Variants in MARCHF1 observed in about 807,000 individuals in gnomAD.
MARCHF1 encodes the protein membrane associated ring-CH-type finger 1.
Under a neutral mutation model 54.2 loss-of-function variants are expected in MARCHF1, and 40 were observed. The ratio of observed to expected loss-of-function variants is 0.74; its 90% CI spans 0.57 to 0.96. The LOEUF (loss-of-function observed/expected upper bound fraction) is 0.96. MARCHF1 is among the 40% of genes least tolerant of loss of function. MARCHF1 has a pLI of 0.00. For synonymous variants in MARCHF1, 236 were observed against 236.3 expected (o/e 1.00, Z 0.01); for missense variants, 586 against 656.5 (o/e 0.89, Z 1.17).
intron 4 of MARCHF1, among the ~76,000 whole-genome samples, chr4:163,719,513 C>A (rs773510407): frequency 5.9e-5 from 9 of 152,062 alleles, no homozygotes; most frequent in Non-Finnish European, 1.2e-4. Flanking sequence ...GTCTTTATAG[C>A]AGCATGTTTT....
chr4:164,062,820 G>A (rs564123133), intron 2 of MARCHF1, among the ~76,000 whole-genome samples: 2 of 152,256 alleles, frequency 1.3e-5, no homozygotes, highest in African/African-American at 2.4e-5. Flanking sequence ...CACCACGCCA[G>A]GCCAATTTAT....
At chr4:164,022,590 T>C (rs1045221241) in intron 2 of MARCHF1, among the ~76,000 whole-genome samples, 1 of 152,154 alleles carries the variant, frequency 6.6e-6, no homozygotes, top group Non-Finnish European at 1.5e-5. Context: ...ACCACAGACA[T>C]TTGAACTGGC....
At chr4:163,666,453 T>C (rs2111115186) in intron 5 of MARCHF1, among the ~76,000 whole-genome samples, 1 of 152,246 alleles carries the variant, frequency 6.6e-6, no homozygotes, top group East Asian at 1.9e-4. Context: ...TGTTTAAATG[T>C]TGCAGCAATA....
At chr4:163,979,219 G>A (rs1282910924) in intron 3 of MARCHF1, among the ~76,000 whole-genome samples, 2 of 69,980 alleles carry the variant, frequency 2.9e-5, no homozygotes, top group Non-Finnish European at 5.0e-5. Context: ...CCCTTCCTGT[G>A]TCCATGTGAT....
chr4:164,250,877 A>G (rs981569571), intron 1 of MARCHF1, among the ~76,000 whole-genome samples: 1 of 152,108 alleles, frequency 6.6e-6, no homozygotes, highest in Non-Finnish European at 1.5e-5. Flanking sequence ...ATATCTGAAT[A>G]TATGCTCTTG....
chr4:164,094,845 G>A (rs958781100), intron 2 of MARCHF1, among the ~76,000 whole-genome samples: 2 of 152,058 alleles, frequency 1.3e-5, no homozygotes, highest in Non-Finnish European at 2.9e-5. Context: ...TCATCTGACT[G>A]CTAAAAGTAA....
intron 7 of MARCHF1, among the ~76,000 whole-genome samples, chr4:163,588,830 C>A (rs984642951): frequency 2.6e-5 from 4 of 151,962 alleles, no homozygotes; most frequent in African/African-American, 9.7e-5. Context: ...TACAATCTGA[C>A]CCTTTCAGAA....
chr4:163,931,550 A>G (rs1479432780), intron 3 of MARCHF1, among the ~76,000 whole-genome samples: 1 of 152,190 alleles, frequency 6.6e-6, no homozygotes, highest in Non-Finnish European at 1.5e-5. Flanking sequence ...GCCTCATCAA[A>G]CACTGAATAT....
Position 164,019,825 on chromosome 4 carries a change from G to A in MARCHF1, c.-247-31116C>T, listed in dbSNP as rs140545936. 2.0e-3 allele frequency among the ~76,000 whole-genome samples: 309 copies of A among 152,314 alleles called. 1 individual carries two copies. The highest frequency in any genetic ancestry group is 5.1e-3 in the Admixed American group (78 of 15,308). On this transcript the variant is annotated intron_variant, in intron 2 of 9. Transcript: ENST00000514618. Reference sequence around the variant, plus strand: ...ATTTGGGATAGTATAGGGCAGACATGGCTGAAGACAAAGCCTGAGGCCTAA... The same window carrying A: ...ATTTGGGATAGTATAGGGCAGACATAGCTGAAGACAAAGCCTGAGGCCTAA...
chr4:163,806,468 T>A (rs1420568738), intron 4 of MARCHF1, among the ~76,000 whole-genome samples: 9 of 152,194 alleles, frequency 5.9e-5, no homozygotes, highest in Non-Finnish European at 1.0e-4. Context: ...TTTGGATAAA[T>A]TACTTCCCTC....
chr4:164,274,767 C>T (rs563082102), intron 1 of MARCHF1, among the ~76,000 whole-genome samples: 22 of 145,258 alleles, frequency 1.5e-4, no homozygotes, highest in African/African-American at 5.3e-4. Flanking sequence ...AGCTCCGTCT[C>T]CCGAGTTCAC....
intron 5 of MARCHF1, among the ~76,000 whole-genome samples, chr4:163,619,888 A>G (rs1459152516): frequency 2.6e-5 from 4 of 152,164 alleles, no homozygotes; most frequent in Admixed American, 2.6e-4. Flanking sequence ...ATATAGGAAA[A>G]CAGATAAATA....
At chr4:163,704,108 T>G (rs916734640) in intron 4 of MARCHF1, among the ~76,000 whole-genome samples, 2 of 148,450 alleles carry the variant, frequency 1.3e-5, no homozygotes, top group Non-Finnish European at 1.5e-5. Context: ...AGTTTTTTTT[T>G]AATGTAATAT....
At chr4:163,640,725 GTGAC>G (rs1742522717) in intron 5 of MARCHF1, among the ~76,000 whole-genome samples, 1 of 152,050 alleles carries the variant, frequency 6.6e-6, no homozygotes, top group Non-Finnish European at 1.5e-5. Flanking sequence ...TCATGCCTAA[GTGAC>G]TGCATAAATT....
At chr4:163,742,816 C>T (rs534479287) in intron 4 of MARCHF1, among the ~76,000 whole-genome samples, 1 of 152,158 alleles carries the variant, frequency 6.6e-6, no homozygotes, top group South Asian at 2.1e-4. Flanking sequence ...TAAGATAGCA[C>T]CTACAAATCT....
chr4:164,300,685 T>C (rs377082229), intron 1 of MARCHF1, among the ~76,000 whole-genome samples: 30 of 152,252 alleles, frequency 2.0e-4, no homozygotes, highest in South Asian at 1.7e-3. Flanking sequence ...GGCCTACATG[T>C]GTGTGCCACT....
intron 1 of MARCHF1, among the ~76,000 whole-genome samples, chr4:164,240,945 C>T (rs1732723796): frequency 6.6e-6 from 1 of 152,164 alleles, no homozygotes; most frequent in African/African-American, 2.4e-5. Flanking sequence ...AGCCGTTCTT[C>T]CCTAGCTTGC....
At chr4:163,567,763 C>T (rs577698114) in intron 8 of MARCHF1, among the ~76,000 whole-genome samples, 1 of 152,280 alleles carries the variant, frequency 6.6e-6, no homozygotes, top group East Asian at 1.9e-4. Flanking sequence ...GTAAATTGCT[C>T]AGTCTCGGGT....
At chr4:163,705,198 C>G (rs1744914580) in intron 4 of MARCHF1, among the ~76,000 whole-genome samples, 1 of 151,642 alleles carries the variant, frequency 6.6e-6, no homozygotes, top group African/African-American at 2.4e-5. Flanking sequence ...CTGTATTTTA[C>G]TTTAAAGAAC....
Sources: allele counts gnomAD v4.1 joint callset (sites outside exome capture counted in the v4.1 genomes callset), GRCh38; gene constraint gnomAD v4.1.1; transcripts MANE v1.5; gene names NCBI Gene and HGNC (gene_info 2026-07-23, HGNC 2026-07-21).